Variants in MAN2A1 observed in about 807,000 individuals in gnomAD.
MAN2A1 encodes the protein alpha-mannosidase 2.
MAN2A1 carries 76 observed loss-of-function variants against 142.6 expected under a neutral mutation model. The observed-to-expected ratio is 0.53, with a 90% CI of 0.44 to 0.65. The LOEUF is 0.65. MAN2A1 is among the 30% of genes least tolerant of loss of function. The pLI is 0.00. For synonymous variants in MAN2A1, 559 were observed against 473.2 expected, an observed-to-expected ratio of 1.18 and a Z score of -2.35; for missense variants, 1,311 against 1,365.1, an observed-to-expected ratio of 0.96 and a Z score of 0.62.
rs746366237 is a variant in MAN2A1, at chr5:109,806,409, GTAT to G, written c.1944-10857_1944-10855del. 1.7e-4 allele frequency among the ~76,000 whole-genome samples: 26 copies of G among 152,282 alleles called. No homozygotes were observed. The East Asian group carries it at 4.6e-3, about 27-fold the overall frequency. On this transcript the variant is annotated intron_variant, in intron 12 of 21. Coordinates refer to ENST00000261483, the MANE Select transcript of MAN2A1 (RefSeq NM_002372.4). ...AAGGCTAATTAAGTGCTAGCTGTTG[GTAT>G]TATTATCATCATAGCTGCTAAGATT...
At chr5:109,795,986 A>C (rs1753847847) in intron 12 of MAN2A1, among the ~76,000 whole-genome samples, 1 of 152,090 alleles carries the variant, frequency 6.6e-6, no homozygotes, top group African/African-American at 2.4e-5. Context: ...CCAGTCTTTC[A>C]GTTGTGTGAT....
chr5:109,852,910 ACATGAATG>A (rs1235902701), intron 19 of MAN2A1, among the ~76,000 whole-genome samples: 2 of 152,226 alleles, frequency 1.3e-5, no homozygotes, highest in Non-Finnish European at 2.9e-5. Context: ...ATAAGAAAGT[ACATGAATG>A]GCAGAACTCT....
intron 12 of MAN2A1, among the ~76,000 whole-genome samples, chr5:109,801,402 T>C (rs1039491970): frequency 3.3e-5 from 5 of 152,204 alleles, no homozygotes; most frequent in African/African-American, 1.2e-4. Context: ...TCTAATTACA[T>C]GTCATTGTCC....
intron 19 of MAN2A1, chr5:109,853,848 T>A (rs1031202753): frequency 7.2e-5 from 11 of 152,194 alleles, no homozygotes; most frequent in African/African-American, 2.4e-4. Context: ...AATCTTTCTT[T>A]TAATACAATT....
At chr5:109,818,308 T>C (rs1034449687) in intron 13 of MAN2A1, among the ~76,000 whole-genome samples, 3 of 152,084 alleles carry the variant, frequency 2.0e-5, no homozygotes, top group African/African-American at 4.8e-5. Flanking sequence ...CTGGCTAATT[T>C]TGTATTTTTA....
intron 1 of MAN2A1, among the ~76,000 whole-genome samples, chr5:109,706,819 A>G (rs1200889148): frequency 6.6e-6 from 1 of 152,164 alleles, no homozygotes. Flanking sequence ...ACTTTGGGGT[A>G]AAGTTTTGTT....
At chr5:109,821,099 A>C (rs1387208787) in intron 15 of MAN2A1, among the ~76,000 whole-genome samples, 1 of 152,190 alleles carries the variant, frequency 6.6e-6, no homozygotes, top group Non-Finnish European at 1.5e-5. Context: ...ACTAAAGAAA[A>C]CATTAAAATT....
chr5:109,750,553 T>C (rs947301433), intron 4 of MAN2A1, among the ~76,000 whole-genome samples: 1 of 152,104 alleles, frequency 6.6e-6, no homozygotes, highest in Non-Finnish European at 1.5e-5. Flanking sequence ...TTCTATCTTA[T>C]AAAAGAAACT....
intron 4 of MAN2A1, among the ~76,000 whole-genome samples, chr5:109,753,970 G>A (rs1218390632): frequency 2.0e-5 from 3 of 150,716 alleles, no homozygotes; most frequent in African/African-American, 4.9e-5. Flanking sequence ...GTGCAGTGGC[G>A]TAATCATAGC....
intron 1 of MAN2A1, among the ~76,000 whole-genome samples, chr5:109,700,986 T>C (rs1227122571): frequency 1.3e-5 from 2 of 152,238 alleles, no homozygotes; most frequent in African/African-American, 4.8e-5. Context: ...AGTGCTATTA[T>C]TCATTAGAAG....
chr5:109,713,884 C>A, intron 2 of MAN2A1, 110 bp downstream of exon 2: 1 of 968,822 alleles, frequency 1.0e-6, no homozygotes, highest in East Asian at 2.5e-5. Flanking sequence ...TCTTTGGATT[C>A]TAGTTTCTCT....
chr5:109,865,642 A>C, intron 21 of MAN2A1, among the ~76,000 whole-genome samples: 1 of 152,232 alleles, frequency 6.6e-6, no homozygotes, highest in East Asian at 1.9e-4. Context: ...ACGTAGCGCC[A>C]ATCAGTTGTT....
intron 12 of MAN2A1, 126 bp downstream of exon 12, chr5:109,789,653 A>T: frequency 1.6e-6 from 1 of 632,556 alleles, no homozygotes; most frequent in Middle Eastern, 3.5e-4. Context: ...AACTCCTAAA[A>T]AATGGATTTT....
chr5:109,698,255 G>T (rs1049585095), intron 1 of MAN2A1, among the ~76,000 whole-genome samples: 3 of 152,354 alleles, frequency 2.0e-5, no homozygotes, highest in South Asian at 4.1e-4. Flanking sequence ...GATCCTGAGC[G>T]TTGCTCAGCT....
chr5:109,743,902 G>A (rs188149542), intron 4 of MAN2A1, among the ~76,000 whole-genome samples: 104 of 152,140 alleles, frequency 6.8e-4, no homozygotes, highest in African/African-American at 2.4e-3. Flanking sequence ...GATTCCTCCC[G>A]ACTTGCTCAT....
chr5:109,842,387 C>T lies in MAN2A1; in HGVS notation c.2626C>T (p.Arg876Cys), dbSNP rs748133805. 3 of 1,588,076 alleles carry T rather than the reference C, an allele frequency of 1.9e-6. No homozygotes were observed. Among genetic ancestry groups the T allele is most frequent in the Non-Finnish European group, 1.7e-6 (2 of 1,158,442 alleles). Residue 876 changes from arginine (R) to cysteine (C), a missense_variant, in exon 17 of 22, where the codon CGT (arginine) becomes TGT (cysteine). Around this residue, in one of 3 missense-constraint regions of MAN2A1, gnomAD observed 890 missense variants for 920.5 expected, o/e 0.97. Coordinates refer to ENST00000261483, the MANE Select transcript of MAN2A1 (RefSeq NM_002372.4). ...TGTGGACATCCGAAAAGTATATAAC[C>T]GTGAGATTGCAATGAAAATTTCTTC... ...NIVDIRKVYN[R>C]EIAMKISSDI...
Position 109,820,567 on chromosome 5 carries a change from G to A in MAN2A1, c.2451+225G>A, listed in dbSNP as rs530986040. ...CTCACACCTGTAATCCCAGCATTTT[G>A]GGAGGCCAAGGAGGGTAGATTGCTT... On this transcript the variant is annotated intron_variant, in intron 15 of 21. Transcript: ENST00000261483. Among the ~76,000 whole-genome samples the A allele has an allele frequency of 4.1e-4, 63 of 152,290 alleles. 1 individual carries two copies. Among genetic ancestry groups the A allele is most frequent in the Middle Eastern group, 6.8e-3 (2 of 294 alleles).
At chr5:109,817,222 A>T in intron 12 of MAN2A1, 51 bp from the exon 13 acceptor site, 2 of 1,541,202 alleles carry the variant, frequency 1.3e-6, no homozygotes, top group Non-Finnish European at 1.8e-6. Context: ...ATGTATATGT[A>T]AGAAGTAAAA....
At chr5:109,812,083 A>T (rs1355930419) in intron 12 of MAN2A1, among the ~76,000 whole-genome samples, 1 of 152,116 alleles carries the variant, frequency 6.6e-6, no homozygotes, top group East Asian at 1.9e-4. Context: ...CTTGTAAGGG[A>T]AAGGAGAGAA....
Sources: gnomAD v4.1 joint callset for allele counts (sites outside exome capture counted in the v4.1 genomes callset) on GRCh38, gnomAD v4.1.1 for gene constraint, gnomAD v4.1.1 regional missense constraint, MANE v1.5 for transcripts, NCBI Gene and HGNC (gene_info 2026-07-23, HGNC 2026-07-21) for gene names.